The following EBF3 variants were observed in gnomAD, a reference collection of about 807,000 sequenced individuals.
EBF3 encodes the protein transcription factor COE3.
A neutral mutation model predicts 77.1 loss-of-function variants in EBF3; 18 were observed. The ratio of observed to expected loss-of-function variants is 0.23; its 90% CI spans 0.16 to 0.35. EBF3 has a LOEUF of 0.35. Ranked by LOEUF, EBF3 falls within the 10% of genes least tolerant of loss-of-function variation. EBF3 has a pLI of 1.00. For missense variants in EBF3, 558 were observed against 860.0 expected (o/e 0.65, Z 4.39); for synonymous variants, 350 against 343.5 (o/e 1.02, Z -0.21).
At chr10:129,843,073 G>A (rs368498164) in intron 12 of EBF3, 64 bp downstream of exon 12, 103 of 1,537,532 alleles carry the variant, frequency 6.7e-5, no homozygotes, top group Middle Eastern at 3.7e-4. Context: ...CTGGAGCCAC[G>A]CCGGCTGCCC....
At chr10:129,948,620 A>ATCC (rs1259904843) in intron 6 of EBF3, among the ~76,000 whole-genome samples, 10 of 39,140 alleles carry the variant, frequency 2.6e-4, no homozygotes, top group Non-Finnish European at 3.8e-4. Context: ...ACTGGGGGAA[A>ATCC]CTGGGGGGTG....
chr10:129,910,312 T>C (rs1432853348), intron 6 of EBF3, among the ~76,000 whole-genome samples: 1 of 152,252 alleles, frequency 6.6e-6, no homozygotes, highest in Non-Finnish European at 1.5e-5. Flanking sequence ...TAACCGCATC[T>C]GTTGTCTTTA....
intron 6 of EBF3, among the ~76,000 whole-genome samples, chr10:129,941,662 C>A (rs1857749544): frequency 6.6e-6 from 1 of 152,224 alleles, no homozygotes; most frequent in Non-Finnish European, 1.5e-5. Flanking sequence ...ATGGCCAGGG[C>A]AGTGAGCAGC....
chr10:129,845,513 G>A (rs1014338272), intron 11 of EBF3: 1 of 152,200 alleles, frequency 6.6e-6, no homozygotes, highest in South Asian at 2.1e-4. Flanking sequence ...CATGCCCGAT[G>A]ATCTAGAATG....
chr10:129,957,561 G>A (rs1003960900), intron 5 of EBF3, among the ~76,000 whole-genome samples: 3 of 152,126 alleles, frequency 2.0e-5, no homozygotes, highest in Admixed American at 1.3e-4. Context: ...GGTAACCAGA[G>A]TACTATATAG....
chr10:129,847,955 A>C (rs1850591993), intron 11 of EBF3, among the ~76,000 whole-genome samples: 1 of 152,230 alleles, frequency 6.6e-6, no homozygotes, highest in Non-Finnish European at 1.5e-5. Flanking sequence ...AACTGAATCG[A>C]GCTTTAGAAA....
intron 6 of EBF3, among the ~76,000 whole-genome samples, chr10:129,912,041 C>T (rs1278102990): frequency 1.3e-5 from 2 of 152,180 alleles, no homozygotes; most frequent in African/African-American, 2.4e-5. Flanking sequence ...TGGGACTCCC[C>T]GTGAAGGAAT....
chr10:129,918,110 C>T (rs1856018746), intron 6 of EBF3, among the ~76,000 whole-genome samples: 1 of 152,232 alleles, frequency 6.6e-6, no homozygotes, highest in South Asian at 2.1e-4. Context: ...CTTCCAGCCC[C>T]TCACTGCACC....
rs544669697 is a variant in EBF3, at chr10:129,958,910, C to A, written c.485+24G>T. Reference sequence around the variant, plus strand: ...CTGGCGCCGAGGCAGCCCGCGCCCCCGCCGCCCGCCGCCCGCCGCTCACCT... The same window carrying A: ...CTGGCGCCGAGGCAGCCCGCGCCCCAGCCGCCCGCCGCCCGCCGCTCACCT... On this transcript the variant is annotated intron_variant, in intron 5 of 16. Coordinates refer to ENST00000440978, the MANE Select transcript of EBF3 (RefSeq NM_001375380.1). The A allele has an allele frequency of 6.3e-6, 10 of 1,581,654 alleles. No homozygotes were observed. The East Asian group carries it at 2.2e-4, about 35-fold the overall frequency.
chr10:129,840,309 G>C lies in EBF3; in HGVS notation c.1695C>G (p.Pro565=), dbSNP rs148512369. Residue 565 remains proline (P), a synonymous_variant, in exon 15 of 17, where the codon CCC becomes CCG. Transcript: ENST00000440978. ...GAGGAGAGGCTTGGGGCCGGACCAC[G>C]GGCGCGAAGGCGCTCTTCTGTTTCA... ...SAVKQKSAFA[P]VVRPQASPPP... 1.0e-5 allele frequency: 16 copies of C among 1,591,724 alleles called. No homozygotes were observed. Among genetic ancestry groups the C allele is most frequent in the South Asian group, 1.1e-5 (1 of 87,332 alleles).
At chr10:129,852,809 T>G (rs1436068244) in intron 10 of EBF3, among the ~76,000 whole-genome samples, 2 of 152,336 alleles carry the variant, frequency 1.3e-5, no homozygotes, top group African/African-American at 4.8e-5. Context: ...ATCCAGTTCC[T>G]GCACCAAACA....
chr10:129,948,797 G>C (rs1455714386), intron 6 of EBF3, among the ~76,000 whole-genome samples: 2 of 152,206 alleles, frequency 1.3e-5, no homozygotes, highest in African/African-American at 2.4e-5. Flanking sequence ...GGTGCCTGTT[G>C]CTGGTGTGGC....
At chr10:129,850,353 C>T (rs1240401994) in intron 10 of EBF3, among the ~76,000 whole-genome samples, 1 of 152,250 alleles carries the variant, frequency 6.6e-6, no homozygotes, top group Non-Finnish European at 1.5e-5. Context: ...GGGAGAGACG[C>T]TTTCCAATGT....
chr10:129,899,081 C>T (rs919754058), intron 6 of EBF3, among the ~76,000 whole-genome samples: 1 of 152,216 alleles, frequency 6.6e-6, no homozygotes, highest in African/African-American at 2.4e-5. Context: ...CTCCTGCCTC[C>T]GCGCAGCCTT....
intron 10 of EBF3, among the ~76,000 whole-genome samples, chr10:129,852,058 G>A (rs1363683564): frequency 1.3e-5 from 2 of 152,170 alleles, no homozygotes; most frequent in East Asian, 1.9e-4. Flanking sequence ...GCCAAATGAG[G>A]CAAGCAGTCG....
At chr10:129,858,946 C>A (rs1851435125) in intron 10 of EBF3, among the ~76,000 whole-genome samples, 1 of 152,198 alleles carries the variant, frequency 6.6e-6, no homozygotes, top group South Asian at 2.1e-4. Flanking sequence ...CCAATGCTGA[C>A]CAAAATCTGC....
chr10:129,917,584 T>C (rs1855965368), intron 6 of EBF3, among the ~76,000 whole-genome samples: 1 of 135,728 alleles, frequency 7.4e-6, no homozygotes, highest in African/African-American at 2.8e-5. Context: ...GAGGCTGCAG[T>C]GAGCTATGAC....
At chr10:129,939,277 C>A (rs1857565711) in intron 6 of EBF3, among the ~76,000 whole-genome samples, 1 of 152,172 alleles carries the variant, frequency 6.6e-6, no homozygotes, top group Non-Finnish European at 1.5e-5. Flanking sequence ...CCTCCCCTCT[C>A]CCAGGTCAAA....
intron 10 of EBF3, among the ~76,000 whole-genome samples, chr10:129,858,361 G>T (rs1483953795): frequency 6.6e-6 from 1 of 152,238 alleles, no homozygotes; most frequent in Non-Finnish European, 1.5e-5. Context: ...TGGTAAAGCA[G>T]TCTCGATGCC....
Sources: gnomAD v4.1 joint callset for allele counts (sites outside exome capture counted in the v4.1 genomes callset) on GRCh38, gnomAD v4.1.1 for gene constraint, MANE v1.5 for transcripts, NCBI Gene and HGNC (gene_info 2026-07-23, HGNC 2026-07-21) for gene names.